The following USP9Y variants were observed in gnomAD, a reference collection of about 807,000 sequenced individuals.
USP9Y encodes the protein ubiquitin carboxyl-terminal hydrolase 9Y.
Under a neutral mutation model 53.1 loss-of-function variants are expected in USP9Y, and 41 were observed. That is an observed-to-expected ratio of 0.77 (90% CI 0.60 to 1.00). The LOEUF (loss-of-function observed/expected upper bound fraction) is 1.00, where lower values mean the gene tolerates loss of function less well. Ranked by LOEUF, USP9Y falls within the 50% of genes least tolerant of loss-of-function variation. The pLI, the probability that USP9Y is intolerant of heterozygous loss-of-function variation, is 0.00. For synonymous variants in USP9Y, 220 were observed against 173.7 expected (o/e 1.27, Z -2.09); for missense variants, 567 against 535.8 (o/e 1.06, Z -0.58).
At chrY:12,823,794 GAAGAAAAAGTAGATA>G (rs2053544075) in intron 33 of USP9Y, among the ~76,000 whole-genome samples, 1 of 33,118 alleles carries the variant, frequency 3.0e-5, no homozygotes, top group African/African-American at 1.2e-4. Context: ...ACAGGCAGCA[GAAGAAAAAGTAGATA>G]AAGAATAAAA....
chrY:12,800,922 C>A, intron 27 of USP9Y, among the ~76,000 whole-genome samples: 2 of 33,956 alleles, frequency 5.9e-5, no homozygotes, highest in African/African-American at 2.3e-4. Context: ...ATTGTGAAGA[C>A]CCTGGTTCTC....
At position 12,843,149 on chromosome Y, in the gene USP9Y, A is replaced by G; in HGVS notation, c.6524A>G (p.His2175Arg). The G allele has an allele frequency of 7.6e-6, 3 of 392,407 alleles. No individual in the cohort carries two copies. Among genetic ancestry groups the G allele is most frequent in the Non-Finnish European group, 1.1e-5 (3 of 278,485 alleles). The change falls in exon 39 of 46, where the codon CAT (histidine) becomes CGT (arginine). Residue 2175 changes from histidine to arginine, a missense_variant. Coordinates refer to ENST00000338981, the MANE Select transcript of USP9Y (RefSeq NM_004654.4). The part of the protein sequence containing the change: ...LRREVSEHGH[H>R]LQQYFNLFVM... ...AGGGAAGTTTCAGAGCATGGACATC[A>G]TTTACAGCAATATTTTAATTTGTTT...
intron 3 of USP9Y, among the ~76,000 whole-genome samples, chrY:12,715,102 A>AT (rs2148279534): frequency 6.5e-5 from 2 of 30,600 alleles, no homozygotes; most frequent in East Asian, 8.5e-4. Flanking sequence ...AGAGTTGAGT[A>AT]TTTTTTTTCC....
At chrY:12,741,975 T>G in intron 12 of USP9Y, among the ~76,000 whole-genome samples, 1 of 33,839 alleles carries the variant, frequency 3.0e-5, no homozygotes, top group Non-Finnish European at 7.3e-5. Flanking sequence ...TTTTGTTATT[T>G]CAGTGGGAAT....
At position 12,798,955 on chromosome Y, in the gene USP9Y, A is replaced by C. The variant is rs527893193; in HGVS notation, c.3983+5754A>C. Among the ~76,000 whole-genome samples, 18 of 23,527 alleles carry C rather than the reference A, an allele frequency of 7.7e-4. No homozygotes were observed. The East Asian group carries it at 0.018, about 24-fold the overall frequency. The allele number at this position is 23,527 out of a possible 37,273, so 63.1% of individuals were successfully genotyped here. A position where few individuals can be genotyped will look rare whatever the true frequency, so the allele number is the denominator to read the frequency against. ...GGGATCTCGGCTCACTGCAACCTCC[A>C]CCTCTCAGGTTCAAGGAATTCTGCC... On this transcript the variant is annotated intron_variant, in intron 27 of 45. Coordinates refer to ENST00000338981, the MANE Select transcript of USP9Y (RefSeq NM_004654.4).
chrY:12,788,490 A>G, intron 24 of USP9Y, among the ~76,000 whole-genome samples: 1 of 33,452 alleles, frequency 3.0e-5, no homozygotes, highest in Non-Finnish European at 7.4e-5. Flanking sequence ...GATAATTGCT[A>G]GAGATGCATG....
chrY:12,703,058 G>C, intron 1 of USP9Y, among the ~76,000 whole-genome samples: 2 of 31,957 alleles, frequency 6.3e-5, no homozygotes. Context: ...ACTCCTCTTT[G>C]TCTTATATGA....
intron 13 of USP9Y, among the ~76,000 whole-genome samples, chrY:12,757,813 C>A (rs1027017284): frequency 4.8e-4 from 16 of 33,315 alleles, no homozygotes; most frequent in Non-Finnish European, 9.7e-4. Context: ...AAAGTAATCT[C>A]GAGGAATTGG....
intron 12 of USP9Y, among the ~76,000 whole-genome samples, chrY:12,743,145 C>T (rs2053457963): frequency 3.1e-5 from 1 of 32,379 alleles, no homozygotes; most frequent in Non-Finnish European, 7.5e-5. Context: ...ATCTGAAATG[C>T]TTAGTACCAG....
rs758803763 is a variant in USP9Y, at chrY:12,797,197, A to G, written c.3983+3996A>G. The stretch of plus-strand genomic sequence containing the variant: ...TTGTCAATGAAAAGAATCAAACTCT[A>G]TAGAATATTTGAAGAGATTTATTCT... On this transcript the variant is annotated intron_variant, in intron 27 of 45. Coordinates refer to ENST00000338981, the MANE Select transcript of USP9Y (RefSeq NM_004654.4). Among the ~76,000 whole-genome samples the G allele has an allele frequency of 2.1e-4, 7 of 33,961 alleles. No individual in the cohort carries two copies. The East Asian group carries it at 5.4e-3, about 26-fold the overall frequency. The allele number at this position is 33,961 out of a possible 37,273, so 91.1% of individuals were successfully genotyped here.
At chrY:12,773,981 A>T in intron 17 of USP9Y, 56 bp downstream of exon 17, 1 of 281,343 alleles carries the variant, frequency 3.6e-6, no homozygotes, top group South Asian at 3.7e-5. Flanking sequence ...GTTACTTTTT[A>T]AAAATAATTC....
At chrY:12,743,430 A>AT (rs2053458156) in intron 12 of USP9Y, among the ~76,000 whole-genome samples, 1 of 30,890 alleles carries the variant, frequency 3.2e-5, no homozygotes, top group Admixed American at 3.1e-4. Context: ...ACTTTTTTGT[A>AT]TTTTTTTTCA....
chrY:12,738,633 C>T (rs2053454221), intron 11 of USP9Y, among the ~76,000 whole-genome samples: 1 of 32,144 alleles, frequency 3.1e-5, no homozygotes. Context: ...GCTCTGCCTC[C>T]CAGGTTCACA....
chrY:12,744,360 C>G, intron 12 of USP9Y, among the ~76,000 whole-genome samples: 2 of 33,853 alleles, frequency 5.9e-5, no homozygotes, highest in South Asian at 1.3e-3. Flanking sequence ...ATAAGCCCCT[C>G]ACCTCCCTGT....
intron 1 of USP9Y, among the ~76,000 whole-genome samples, chrY:12,703,014 G>A (rs998430656): frequency 3.1e-5 from 1 of 32,754 alleles, no homozygotes; most frequent in Non-Finnish European, 7.5e-5. Flanking sequence ...AAGGCTTTGC[G>A]CCTTTTCCCA....
At chrY:12,825,914 T>G in intron 33 of USP9Y, among the ~76,000 whole-genome samples, 1 of 25,964 alleles carries the variant, frequency 3.9e-5, no homozygotes, top group Admixed American at 3.8e-4. Flanking sequence ...TTTTCTTTTC[T>G]TTTCTTTTCT....
In USP9Y at chrY:12,840,024, G is replaced by T; in HGVS notation, c.5498G>T (p.Gly1833Val). ...ELDMGPYTVA[G>V]VANLERDNVN... Reference sequence around the variant, plus strand: ...GATATGGGACCTTACACAGTAGCAGGTGTTGCAAACCTGGAAAGGGATAAT... The same window carrying T: ...GATATGGGACCTTACACAGTAGCAGTTGTTGCAAACCTGGAAAGGGATAAT... Residue 1833 changes from glycine (G) to valine (V), a missense_variant, in exon 36 of 46, where the codon GGT becomes GTT. Transcript: ENST00000338981. 2.5e-6 allele frequency: 1 copy of T among 398,651 alleles called. No homozygotes were observed. The highest frequency in any genetic ancestry group is 3.5e-6 in the Non-Finnish European group (1 of 283,472).
chrY:12,757,776 G>T (rs1352274178), intron 13 of USP9Y, among the ~76,000 whole-genome samples: 3 of 33,401 alleles, frequency 9.0e-5, no homozygotes, highest in Non-Finnish European at 2.2e-4. Flanking sequence ...GTCAGCCACC[G>T]CACCCAGCCT....
At chrY:12,722,940 C>G in intron 5 of USP9Y, among the ~76,000 whole-genome samples, 1 of 31,621 alleles carries the variant, frequency 3.2e-5, no homozygotes, top group Non-Finnish European at 7.7e-5. Flanking sequence ...GATATCAGCT[C>G]ACTGCAACCT....
Sources: allele counts gnomAD v4.1 joint callset (sites outside exome capture counted in the v4.1 genomes callset), GRCh38; gene constraint gnomAD v4.1.1; transcripts MANE v1.5; gene names NCBI Gene and HGNC (gene_info 2026-07-23, HGNC 2026-07-21).